The following NPR3 variants were observed in gnomAD, a reference collection of about 807,000 sequenced individuals.
NPR3 encodes the protein natriuretic peptide receptor 3, also known as atrial natriuretic peptide receptor 3.
In NPR3, 34 loss-of-function variants were observed where a neutral mutation model predicts 54.5. The ratio of observed to expected loss-of-function variants is 0.62; its 90% CI spans 0.47 to 0.83. The LOEUF is 0.83. Among genes scored for constraint, NPR3 ranks in the 40% least tolerant of loss-of-function variants. The pLI is 0.00. For synonymous variants in NPR3, 289 were observed against 297.1 expected (o/e 0.97, Z 0.28); for missense variants, 674 against 720.8 (o/e 0.94, Z 0.74).
intron 2 of NPR3, among the ~76,000 whole-genome samples, 192 bp from the exon 3 acceptor site, chr5:32,738,672 C>T (rs1739879262): frequency 6.6e-6 from 1 of 152,336 alleles, no homozygotes; most frequent in African/African-American, 2.4e-5. Flanking sequence ...CAAAGGAACA[C>T]ATGTCCAAAG....
intron 3 of NPR3, among the ~76,000 whole-genome samples, chr5:32,765,774 G>A (rs901898596): frequency 1.3e-5 from 2 of 152,188 alleles, no homozygotes; most frequent in African/African-American, 4.8e-5. Context: ...GTCCGTAGGG[G>A]TCTTTGGAGG....
chr5:32,731,439 A>G (rs185033968), intron 2 of NPR3, among the ~76,000 whole-genome samples: 90 of 152,358 alleles, frequency 5.9e-4, no homozygotes, highest in African/African-American at 1.9e-3. Context: ...CTGGCAAAGT[A>G]ACATAACTCT....
intron 3 of NPR3, among the ~76,000 whole-genome samples, chr5:32,740,788 G>A (rs1274139342): frequency 6.6e-6 from 1 of 152,166 alleles, no homozygotes; most frequent in East Asian, 1.9e-4. Flanking sequence ...TTGTTCGAGT[G>A]CTCAATGGGC....
At chr5:32,731,959 C>CAAGATCAAAGAT (rs1739471724) in intron 2 of NPR3, among the ~76,000 whole-genome samples, 1 of 151,972 alleles carries the variant, frequency 6.6e-6, no homozygotes, top group African/African-American at 2.4e-5. Context: ...AATCCATTCT[C>CAAGATCAAAGAT]GGCCGGGCGC....
intron 1 of NPR3, chr5:32,716,304 C>T (rs1738542684): frequency 2.5e-6 from 1 of 401,494 alleles, no homozygotes; most frequent in African/African-American, 2.1e-5. Flanking sequence ...CTCCATTTTT[C>T]ACTCTCAATT....
At position 32,783,804 on chromosome 5, in the gene NPR3, C is replaced by T. The variant is rs558455392; in HGVS notation, c.1426+776C>T. 2.6e-5 allele frequency among the ~76,000 whole-genome samples: 4 copies of T among 152,234 alleles called. No individual in the cohort carries two copies. In the East Asian group the frequency reaches 7.7e-4, roughly 29 times the overall value. On this transcript the variant is annotated intron_variant, in intron 6 of 7. Coordinates refer to ENST00000265074, the MANE Select transcript of NPR3 (RefSeq NM_001204375.2). ...CTGGTTTTGTGACCCTAGGAGTCTT[C>T]CTTCAGCTTTTTAAGCCTCAGTTTT...
intron 2 of NPR3, among the ~76,000 whole-genome samples, chr5:32,733,505 A>G (rs1236273045): frequency 6.6e-6 from 1 of 152,194 alleles, no homozygotes; most frequent in Non-Finnish European, 1.5e-5. Flanking sequence ...TAGAACTGCT[A>G]TTATTGTAGA....
At chr5:32,720,007 A>G (rs1738769911) in intron 1 of NPR3, among the ~76,000 whole-genome samples, 1 of 152,206 alleles carries the variant, frequency 6.6e-6, no homozygotes. Flanking sequence ...TATCCTTATT[A>G]TTGATAAAAG....
At position 32,712,314 on chromosome 5, in the gene NPR3, G is replaced by A; in HGVS notation, c.538G>A (p.Ala180Thr). The A allele has an allele frequency of 6.2e-7, 1 of 1,613,378 alleles. No homozygotes were observed. ...EYSHLTRVAP[A>T]YAKMGEMMLA... ...CTCGCACCTCACGCGCGTGGCGCCC[G>A]CCTACGCCAAGATGGGCGAGATGAT... Residue 180 changes from alanine to threonine, a missense_variant, in exon 1 of 8, where the codon GCC becomes ACC. Physicochemically the swap from Ala to Thr is moderately conservative, Grantham distance 58 (BLOSUM62 0). Coordinates refer to ENST00000265074, the MANE Select transcript of NPR3 (RefSeq NM_001204375.2).
At chr5:32,726,479 C>G (rs1739143005) in intron 2 of NPR3, among the ~76,000 whole-genome samples, 1 of 152,110 alleles carries the variant, frequency 6.6e-6, no homozygotes, top group Non-Finnish European at 1.5e-5. Flanking sequence ...CTTCTTCACT[C>G]AAGATCAGAA....
chr5:32,744,033 G>A (rs904997769), intron 3 of NPR3, among the ~76,000 whole-genome samples: 12 of 127,400 alleles, frequency 9.4e-5, no homozygotes, highest in Admixed American at 9.5e-5. Context: ...TTGCTCTGTC[G>A]CCAGGCTGGA....
chr5:32,699,598 G>C (rs1466429516), intron 1 of NPR3, among the ~76,000 whole-genome samples: 1 of 151,960 alleles, frequency 6.6e-6, no homozygotes, highest in Non-Finnish European at 1.5e-5. Context: ...TCATCCTCCT[G>C]CTTTTTAACT....
intron 3 of NPR3, among the ~76,000 whole-genome samples, chr5:32,768,376 A>T (rs964263335): frequency 6.6e-5 from 10 of 152,206 alleles, no homozygotes; most frequent in Admixed American, 5.2e-4. Flanking sequence ...CGCATGTGTG[A>T]CACATCCAAA....
intron 3 of NPR3, among the ~76,000 whole-genome samples, chr5:32,742,232 A>G (rs1481121903): frequency 6.6e-6 from 1 of 152,048 alleles, no homozygotes; most frequent in African/African-American, 2.4e-5. Flanking sequence ...TTGTTCTAAA[A>G]TTTACCATGC....
At position 32,711,487 on chromosome 5, in the gene NPR3, G is replaced by A. The variant is rs1304526266; in HGVS notation, c.-290G>A. 5.2e-6 allele frequency: 6 copies of A among 1,147,940 alleles called. No homozygotes were observed. The highest frequency in any genetic ancestry group is 3.5e-4 in the Middle Eastern group (1 of 2,886). The allele number at this position is 1,147,940 out of a possible 1,614,324, so 71.1% of individuals were successfully genotyped here. On this transcript the variant is annotated 5_prime_UTR_variant, in exon 1 of 8. Transcript: ENST00000265074. ...AAAATAGTATATGTATAAACGGAGG[G>A]CGAATATATACAAGTATATATATAT...
chr5:32,709,835 GGCCTCGGAGTAAAAAACGCAGC>G (rs1738120399), upstream of NPR3: 1 of 152,072 alleles, frequency 6.6e-6, no homozygotes. Context: ...GCGCGTTAAA[GGCCTCGGAGTAAAAAACGCAGC>G]GTCTGGGACT....
rs374488831 is a variant in NPR3 at position 32,696,442 on chromosome 5, GC to G, written c.100+7257del. ...AAAGTCAGGTAATGTGATTCTTCCA[GC>G]TTTTTTTTTTTCTTTTTGCTTAGGA... is the stretch of plus-strand genomic sequence containing the variant. On this transcript the variant is annotated intron_variant, in intron 1 of 5. Transcript: ENST00000509104. 6.3e-3 allele frequency among the ~76,000 whole-genome samples: 939 copies of G among 148,762 alleles called. 9 individuals carry two copies. Among genetic ancestry groups the G allele is most frequent in the Middle Eastern group, 0.029 (8 of 280 alleles).
chr5:32,762,760 T>G, intron 3 of NPR3, among the ~76,000 whole-genome samples: 1 of 152,022 alleles, frequency 6.6e-6, no homozygotes, highest in East Asian at 1.9e-4. Flanking sequence ...GATTGCAAAA[T>G]TTTTCTCCCA....
intron 1 of NPR3, among the ~76,000 whole-genome samples, chr5:32,692,096 C>G (rs1386417929): frequency 2.0e-5 from 3 of 152,138 alleles, no homozygotes; most frequent in Admixed American, 6.5e-5. Context: ...TAAAATAAGA[C>G]AAGAACCTTG....
Sources: allele counts gnomAD v4.1 joint callset (sites outside exome capture counted in the v4.1 genomes callset), GRCh38; gene constraint gnomAD v4.1.1; transcripts MANE v1.5; gene names NCBI Gene and HGNC (gene_info 2026-07-23, HGNC 2026-07-21).